The following CAMTA1 variants were observed in gnomAD, a reference collection of about 807,000 sequenced individuals.
CAMTA1 encodes calmodulin binding transcription activator 1.
A neutral mutation model predicts 170.9 loss-of-function variants in CAMTA1; 27 were observed. The ratio of observed to expected loss-of-function variants is 0.16; its 90% CI spans 0.12 to 0.22. The LOEUF is 0.22. Ranked by LOEUF, CAMTA1 falls within the 10% of genes least tolerant of loss-of-function variation. The probability of loss-of-function intolerance (pLI) is 1.00; values close to 1 mark genes in which losing one functional copy is unlikely to be tolerated. For synonymous variants in CAMTA1, 833 were observed against 891.5 expected (o/e 0.93, Z 1.17); for missense variants, 1,619 against 2,217.2 (o/e 0.73, Z 5.42).
intron 6 of CAMTA1, among the ~76,000 whole-genome samples, chr1:7,622,968 G>A (rs1178656954): frequency 6.6e-6 from 1 of 152,148 alleles, no homozygotes; most frequent in East Asian, 1.9e-4. Flanking sequence ...CCTATTCCCT[G>A]TGCCTGAATC....
intron 11 of CAMTA1, among the ~76,000 whole-genome samples, chr1:7,718,853 C>T (rs1212116397): frequency 8.9e-5 from 12 of 134,558 alleles, no homozygotes; most frequent in Admixed American, 5.3e-4. Flanking sequence ...CCGGTCAGCC[C>T]TTTTTTTTTT....
intron 5 of CAMTA1, among the ~76,000 whole-genome samples, chr1:7,428,271 C>T (rs545976769): frequency 7.2e-5 from 11 of 152,206 alleles, no homozygotes; most frequent in Admixed American, 2.0e-4. Flanking sequence ...AAGACCTCGT[C>T]GGGCGAATGC....
At chr1:7,706,682 A>G (rs1309786052) in intron 11 of CAMTA1, among the ~76,000 whole-genome samples, 1 of 152,230 alleles carries the variant, frequency 6.6e-6, no homozygotes, top group Non-Finnish European at 1.5e-5. Flanking sequence ...CATTTCCTAA[A>G]TAAATTTAAC....
At chr1:7,644,724 C>T (rs1298500295) in intron 7 of CAMTA1, among the ~76,000 whole-genome samples, 6 of 152,216 alleles carry the variant, frequency 3.9e-5, no homozygotes, top group African/African-American at 1.4e-4. Context: ...TCTCTGGTGT[C>T]GTTGGACAGA....
At chr1:7,360,644 C>G (rs1574915887) in intron 5 of CAMTA1, among the ~76,000 whole-genome samples, 1 of 152,360 alleles carries the variant, frequency 6.6e-6, no homozygotes, top group African/African-American at 2.4e-5. Flanking sequence ...TTTTGTGGCT[C>G]TCTCAGGACT....
intron 5 of CAMTA1, among the ~76,000 whole-genome samples, chr1:7,361,251 C>T (rs978034640): frequency 2.0e-5 from 3 of 152,186 alleles, no homozygotes; most frequent in Admixed American, 1.3e-4. Flanking sequence ...TTCATTGAGT[C>T]GTTTGCTCAA....
At chr1:7,536,794 C>A (rs1049644554) in intron 6 of CAMTA1, among the ~76,000 whole-genome samples, 1 of 152,188 alleles carries the variant, frequency 6.6e-6, no homozygotes, top group African/African-American at 2.4e-5. Flanking sequence ...AGTGCTGCCC[C>A]GCTGCCTGCA....
chr1:7,562,705 A>G lies in CAMTA1; in HGVS notation c.511-77695A>G, dbSNP rs2094974998. 6.6e-6 allele frequency among the ~76,000 whole-genome samples: 1 copy of G among 152,192 alleles called. No homozygotes were observed. The highest frequency in any genetic ancestry group is 6.5e-5 in the Admixed American group (1 of 15,282). On this transcript the variant is annotated intron_variant, in intron 6 of 22. Coordinates refer to ENST00000303635, the MANE Select transcript of CAMTA1 (RefSeq NM_015215.4). This position sits in a 1 kb window ranked among gnomAD's most constrained non-coding sequence, Gnocchi z 4.8. ...ATCTGACCCCGCAGCTGGCACGGAGATGCTGGGAGAAGGGTCTGATATTTC... is the reference window on the plus strand; with the variant it reads ...ATCTGACCCCGCAGCTGGCACGGAGGTGCTGGGAGAAGGGTCTGATATTTC...
intron 3 of CAMTA1, among the ~76,000 whole-genome samples, chr1:6,957,432 A>C (rs1470109353): frequency 6.6e-6 from 1 of 152,078 alleles, no homozygotes; most frequent in Non-Finnish European, 1.5e-5. Context: ...TCGGTGTTTT[A>C]AAATCAAGGT....
intron 3 of CAMTA1, among the ~76,000 whole-genome samples, chr1:7,021,591 A>T (rs1701366755): frequency 6.6e-6 from 1 of 152,122 alleles, no homozygotes; most frequent in South Asian, 2.1e-4. Flanking sequence ...CACGGGCAGG[A>T]GGGACATTGG....
At chr1:7,432,961 C>T (rs1297472489) in intron 5 of CAMTA1, among the ~76,000 whole-genome samples, 1 of 152,246 alleles carries the variant, frequency 6.6e-6, no homozygotes, top group East Asian at 1.9e-4. Context: ...CGGGGCCAGC[C>T]CCAGAGGGAT....
intron 5 of CAMTA1, among the ~76,000 whole-genome samples, chr1:7,353,742 T>G (rs1275342980): frequency 6.6e-6 from 1 of 152,118 alleles, no homozygotes; most frequent in African/African-American, 2.4e-5. Context: ...TTTTTAAATT[T>G]TATTTTATTT....
At chr1:7,306,040 A>T (rs1675539277) in intron 5 of CAMTA1, among the ~76,000 whole-genome samples, 2 of 152,018 alleles carry the variant, frequency 1.3e-5, no homozygotes, top group Non-Finnish European at 2.9e-5. Context: ...CAGATATGTG[A>T]TTTGCCAATA....
In CAMTA1 at chr1:7,333,364, C is replaced by T. The variant is rs1171246972; in HGVS notation, c.438+83738C>T. Among the ~76,000 whole-genome samples the T allele has an allele frequency of 3.9e-5, 6 of 152,120 alleles. No homozygotes were observed. The highest frequency in any genetic ancestry group is 2.1e-4 in the South Asian group (1 of 4,818). ...ACCCGCAGGGGAGTCGGATCTGACA[C>T]GGGACCCCACGCTGCAGAGTGATGA... On this transcript the variant is annotated intron_variant, in intron 5 of 22. Coordinates refer to ENST00000303635, the MANE Select transcript of CAMTA1 (RefSeq NM_015215.4). The surrounding 1 kb of genome is among the most constrained non-coding windows in gnomAD (Gnocchi z 4.4).
Position 7,146,564 on chromosome 1 carries a change from C to T in CAMTA1, c.302+55193C>T, listed in dbSNP as rs1021466960. 1.5e-4 allele frequency among the ~76,000 whole-genome samples: 23 copies of T among 151,948 alleles called. No homozygotes were observed. Among genetic ancestry groups the T allele is most frequent in the South Asian group, 6.2e-4 (3 of 4,822 alleles). Reference sequence around the variant, plus strand: ...TCATCACCATGGCCTTCCTTGACCCCGGCCACGTCCTGCCGGCTCCTCCTC... The same window carrying T: ...TCATCACCATGGCCTTCCTTGACCCTGGCCACGTCCTGCCGGCTCCTCCTC... On this transcript the variant is annotated intron_variant, in intron 4 of 22. Transcript: ENST00000303635. The surrounding 1 kb of genome is among the most constrained non-coding windows in gnomAD (Gnocchi z 4.3).
rs761757448 is a variant in CAMTA1 at position 7,744,794 on chromosome 1, T to G, written c.4183-41T>G. 1.9e-6 allele frequency: 3 copies of G among 1,571,486 alleles called. No individual in the cohort carries two copies. In the Admixed American group the frequency reaches 5.4e-5, roughly 28 times the overall value. The stretch of plus-strand genomic sequence containing the variant: ...AGGTAGACCTGGATAACTTGTAAGG[T>G]TCCTTTCTAACCTGAGTGTTCTGTG... On this transcript the variant is annotated intron_variant, in intron 16 of 22. Transcript: ENST00000303635.
chr1:7,053,707 T>C (rs915542673), intron 3 of CAMTA1, among the ~76,000 whole-genome samples: 1 of 152,192 alleles, frequency 6.6e-6, no homozygotes, highest in Middle Eastern at 3.2e-3. Context: ...TGGTCTTGCC[T>C]GCAATGCCCT....
intron 3 of CAMTA1, among the ~76,000 whole-genome samples, chr1:6,943,439 C>T (rs573020421): frequency 2.0e-5 from 3 of 152,252 alleles, no homozygotes; most frequent in East Asian, 1.9e-4. Context: ...AAATAGGTGG[C>T]GCCCCACACC....
intron 11 of CAMTA1, among the ~76,000 whole-genome samples, chr1:7,718,346 A>G (rs574358205): frequency 4.3e-4 from 65 of 152,286 alleles, no homozygotes; most frequent in African/African-American, 1.1e-3. Context: ...TGATCATGCT[A>G]GGCGCCACCA....
Sources: gnomAD v4.1 joint callset for allele counts (sites outside exome capture counted in the v4.1 genomes callset) on GRCh38, gnomAD v4.1.1 for gene constraint, Gnocchi (gnomAD v3.1) non-coding constraint, MANE v1.5 for transcripts, NCBI Gene and HGNC (gene_info 2026-07-23, HGNC 2026-07-21) for gene names.